Variants in SEC31A observed in about 807,000 individuals in gnomAD.
The protein encoded by SEC31A is SEC31 homolog A, COPII component, also known as protein transport protein Sec31A.
SEC31A carries 70 observed loss-of-function variants against 151.0 expected under a neutral mutation model. That is an observed-to-expected ratio of 0.46 (90% CI 0.38 to 0.57). SEC31A has a LOEUF of 0.57. Ranked by LOEUF, SEC31A falls within the 20% of genes least tolerant of loss-of-function variation. SEC31A has a pLI of 0.00. For synonymous variants in SEC31A, 475 were observed against 505.9 expected (o/e 0.94, Z 0.82); for missense variants, 1,330 against 1,471.2 (o/e 0.90, Z 1.57).
intron 3 of SEC31A, chr4:82,897,875 G>A (rs949028045): frequency 6.6e-6 from 1 of 152,106 alleles, no homozygotes; most frequent in African/African-American, 2.4e-5. Flanking sequence ...CATAAAATAG[G>A]TAGATTTCAT....
At chr4:82,853,925 A>C (rs2149383324) in intron 17 of SEC31A, among the ~76,000 whole-genome samples, 1 of 152,338 alleles carries the variant, frequency 6.6e-6, no homozygotes, top group South Asian at 2.1e-4. Flanking sequence ...GATTTTACAA[A>C]ACTATTATCT....
rs564708635 is a variant in SEC31A at position 82,856,695 on chromosome 4, G to T, written c.1881+257C>A. Among the ~76,000 whole-genome samples the T allele has an allele frequency of 3.3e-5, 5 of 152,188 alleles. No individual in the cohort carries two copies. In the East Asian group the frequency reaches 9.8e-4, roughly 30 times the overall value. ...GAACCCAGAAGGTGGAGGTTGCAGT[G>T]AGTCAAGATCACGCCACCGGACTCT... is the stretch of plus-strand genomic sequence containing the variant. On this transcript the variant is annotated intron_variant, in intron 16 of 26. Transcript: ENST00000395310.
chr4:82,818,948 T>G lies in SEC31A; in HGVS notation c.*126A>C. On this transcript the variant is annotated 3_prime_UTR_variant, in exon 27 of 27. Transcript: ENST00000395310. ...AAGGTGAGTATATCAGCAGAAATAG[T>G]GTAAATGCTCTTGACTGGTTGCTAT... 1 of 664,238 alleles carries G rather than the reference T, an allele frequency of 1.5e-6. No homozygotes were observed. The highest frequency in any genetic ancestry group is 2.8e-5 in the South Asian group (1 of 36,030). 41.1% of individuals were successfully genotyped at this position (664,238 alleles called of 1,614,324 possible).
At chr4:82,862,315 T>G (rs1195242224) in intron 13 of SEC31A, among the ~76,000 whole-genome samples, 1 of 152,078 alleles carries the variant, frequency 6.6e-6, no homozygotes, top group African/African-American at 2.4e-5. Context: ...TTTTTCCTGC[T>G]TTACAAAATT....
At chr4:82,861,494 A>G in intron 14 of SEC31A, 137 bp downstream of exon 14, 5 of 589,664 alleles carry the variant, frequency 8.5e-6, no homozygotes, top group Admixed American at 2.8e-5. Flanking sequence ...ATAGATTCCT[A>G]TCCTAAACAT....
intron 22 of SEC31A, among the ~76,000 whole-genome samples, chr4:82,829,699 T>C (rs13150263): frequency 0.19 from 28,177 of 152,052 alleles, 2,888 homozygotes; most frequent in South Asian, 0.34. Flanking sequence ...TGCAGGCTGA[T>C]AGCAAATATA....
intron 13 of SEC31A, 79 bp from the exon 14 acceptor site, chr4:82,861,787 G>A: frequency 1.2e-6 from 1 of 840,826 alleles, no homozygotes; most frequent in Non-Finnish European, 1.9e-6. Context: ...GAAGACAAAA[G>A]ACCCAACCAA....
chr4:82,835,926 A>C (rs571175016), intron 22 of SEC31A, among the ~76,000 whole-genome samples: 33 of 152,336 alleles, frequency 2.2e-4, no homozygotes, highest in African/African-American at 7.7e-4. Flanking sequence ...CAGAAAACAC[A>C]AGTATTGGCA....
chr4:82,877,864 G>A (rs180730212), intron 4 of SEC31A: 1 of 152,108 alleles, frequency 6.6e-6, no homozygotes, highest in Non-Finnish European at 1.5e-5. Context: ...GCTAATTTTT[G>A]TATTTTTAGT....
At chr4:82,868,957 G>A (rs572035998) in intron 8 of SEC31A, among the ~76,000 whole-genome samples, 1 of 151,974 alleles carries the variant, frequency 6.6e-6, no homozygotes, top group East Asian at 1.9e-4. Context: ...TGGCCCACGT[G>A]ACATTTAAAA....
intron 16 of SEC31A, among the ~76,000 whole-genome samples, chr4:82,856,063 T>C (rs1226679318): frequency 6.6e-6 from 1 of 152,234 alleles, no homozygotes; most frequent in Non-Finnish European, 1.5e-5. Flanking sequence ...TGTTTATTTC[T>C]ATTTGGAAAA....
chr4:82,846,924 A>G (rs553896030), intron 20 of SEC31A, among the ~76,000 whole-genome samples: 21 of 152,292 alleles, frequency 1.4e-4, no homozygotes, highest in Admixed American at 1.3e-3. Flanking sequence ...CATGTTGGCC[A>G]GGCTGGTCTC....
chr4:82,827,218 A>T, intron 24 of SEC31A, 151 bp downstream of exon 24: 1 of 832,086 alleles, frequency 1.2e-6, no homozygotes, highest in Non-Finnish European at 1.9e-6. Flanking sequence ...TAATATACAT[A>T]CATGATCGAT....
At chr4:82,837,976 C>A (rs531099801) in intron 22 of SEC31A, among the ~76,000 whole-genome samples, 1 of 152,288 alleles carries the variant, frequency 6.6e-6, no homozygotes, top group Admixed American at 6.5e-5. Flanking sequence ...TCTTTGTCAA[C>A]CATACATCTT....
chr4:82,887,455 C>T (rs1740998001), intron 1 of SEC31A, among the ~76,000 whole-genome samples: 1 of 152,126 alleles, frequency 6.6e-6, no homozygotes, highest in Non-Finnish European at 1.5e-5. Context: ...TTCATACATG[C>T]CATCTCCAAG....
intron 22 of SEC31A, among the ~76,000 whole-genome samples, chr4:82,837,196 T>TAG (rs1560595545): frequency 1.6e-5 from 1 of 61,562 alleles, no homozygotes; most frequent in Non-Finnish European, 4.6e-5. Context: ...TATATATATA[T>TAG]ATAATTTCAC....
At chr4:82,856,357 G>A (rs1732649211) in intron 16 of SEC31A, among the ~76,000 whole-genome samples, 1 of 151,036 alleles carries the variant, frequency 6.6e-6, no homozygotes, top group Admixed American at 6.6e-5. Context: ...TCACCATGTT[G>A]CCAGGCTGGT....
intron 6 of SEC31A, among the ~76,000 whole-genome samples, chr4:82,874,245 C>A (rs1737421648): frequency 2.6e-5 from 4 of 151,576 alleles, no homozygotes; most frequent in Admixed American, 2.6e-4. Flanking sequence ...TTGCAGTGAG[C>A]CGAGATCACG....
At chr4:82,886,581 A>G (rs551561043) in intron 1 of SEC31A, among the ~76,000 whole-genome samples, 1 of 152,324 alleles carries the variant, frequency 6.6e-6, no homozygotes, top group South Asian at 2.1e-4. Flanking sequence ...ACTTTCTAAG[A>G]TATAAAAAAG....
Sources: gnomAD v4.1 joint callset for allele counts (sites outside exome capture counted in the v4.1 genomes callset) on GRCh38, gnomAD v4.1.1 for gene constraint, MANE v1.5 for transcripts, NCBI Gene and HGNC (gene_info 2026-07-23, HGNC 2026-07-21) for gene names.